The following UBAC2 variants were observed in gnomAD, a reference collection of about 807,000 sequenced individuals.
The protein encoded by UBAC2 is UBA domain containing 2, also known as ubiquitin-associated domain-containing protein 2.
In UBAC2, 26 loss-of-function variants were observed where a neutral mutation model predicts 44.0. That is an observed-to-expected ratio of 0.59 (90% CI 0.43 to 0.82). The LOEUF is 0.82. Ranked by LOEUF, UBAC2 falls within the 40% of genes least tolerant of loss-of-function variation. The probability of loss-of-function intolerance (pLI) is 0.00; values close to 1 mark genes in which losing one functional copy is unlikely to be tolerated. For missense variants in UBAC2, 329 were observed against 419.4 expected (o/e 0.78, Z 1.88); for synonymous variants, 155 against 154.3 (o/e 1.00, Z -0.04).
At chr13:99,335,277 C>T (rs763930044) in intron 6 of UBAC2, among the ~76,000 whole-genome samples, 2 of 152,038 alleles carry the variant, frequency 1.3e-5, no homozygotes, top group East Asian at 3.8e-4. Context: ...ATTTTGCTAT[C>T]TTCTGCTGAA....
At chr13:99,247,472 C>T (rs1265312979) in intron 4 of UBAC2, among the ~76,000 whole-genome samples, 3 of 152,010 alleles carry the variant, frequency 2.0e-5, no homozygotes, top group African/African-American at 7.2e-5. Context: ...CCTCGGCCTC[C>T]CAAAGTGCTG....
At chr13:99,255,512 T>C (rs748648382) in intron 4 of UBAC2, 1 of 1,614,122 alleles carries the variant, frequency 6.2e-7, no homozygotes, top group Non-Finnish European at 8.5e-7. Context: ...ACAATGGCCA[T>C]GTATCTGTCA....
intron 7 of UBAC2, among the ~76,000 whole-genome samples, chr13:99,358,783 A>C (rs1311447073): frequency 6.6e-6 from 1 of 152,070 alleles, no homozygotes; most frequent in African/African-American, 2.4e-5. Flanking sequence ...TATGCAGTGG[A>C]TGGATGTGGA....
intron 4 of UBAC2, among the ~76,000 whole-genome samples, chr13:99,272,301 AAGGAG>A (rs1053865916): frequency 6.6e-6 from 1 of 152,204 alleles, no homozygotes; most frequent in Non-Finnish European, 1.5e-5. Flanking sequence ...ATGTATAAGA[AAGGAG>A]AGAACACTGT....
chr13:99,360,949 C>T (rs982139541), intron 7 of UBAC2, among the ~76,000 whole-genome samples: 4 of 152,162 alleles, frequency 2.6e-5, no homozygotes, highest in African/African-American at 4.8e-5. Flanking sequence ...CTCGAGTGCC[C>T]GAGGTCAGCC....
chr13:99,310,850 CAGA>C (rs528114325), intron 4 of UBAC2, among the ~76,000 whole-genome samples: 64 of 152,094 alleles, frequency 4.2e-4, no homozygotes, highest in South Asian at 1.9e-3. Context: ...TAAATGTAAA[CAGA>C]AGAACTTCTA....
chr13:99,302,231 G>C (rs1248081157), intron 4 of UBAC2, among the ~76,000 whole-genome samples: 2 of 152,218 alleles, frequency 1.3e-5, no homozygotes, highest in Admixed American at 1.3e-4. Flanking sequence ...TGTTTGATCT[G>C]ATACACTGTC....
chr13:99,232,399 G>GAGATAGATAGATAGAT (rs1367302629), intron 1 of UBAC2, among the ~76,000 whole-genome samples: 15 of 109,970 alleles, frequency 1.4e-4, no homozygotes, highest in Admixed American at 1.0e-3. Flanking sequence ...TTAGTTGAGA[G>GAGATAGATAGATAGAT]ATATAGATAT....
intron 4 of UBAC2, among the ~76,000 whole-genome samples, chr13:99,301,155 C>T (rs189567397): frequency 7.5e-4 from 114 of 152,350 alleles, no homozygotes; most frequent in African/African-American, 2.6e-3. Context: ...GCCCCTCAGC[C>T]GTCCTTCGTG....
At chr13:99,340,708 G>C in intron 7 of UBAC2, 143 bp downstream of exon 7, 1 of 969,266 alleles carries the variant, frequency 1.0e-6, no homozygotes, top group South Asian at 1.7e-5. Flanking sequence ...AGAGATTGTA[G>C]GTCTCTGTTA....
chr13:99,230,771 C>A (rs2043163076), intron 1 of UBAC2, among the ~76,000 whole-genome samples: 2 of 152,086 alleles, frequency 1.3e-5, no homozygotes, highest in African/African-American at 4.8e-5. Context: ...CTCTTGTGGG[C>A]CGGTTGCAGC....
At chr13:99,243,233 CT>C (rs773750160) in intron 2 of UBAC2, among the ~76,000 whole-genome samples, 10,384 of 94,482 alleles carry the variant, frequency 0.11, 270 homozygotes, top group East Asian at 0.15. Context: ...TTGAGTAGCT[CT>C]TTTTTTTTTT....
chr13:99,314,190 C>T lies in UBAC2; in HGVS notation c.483C>T (p.Asn161=), dbSNP rs780859002. The T allele has an allele frequency of 1.2e-6, 2 of 1,602,008 alleles. No homozygotes were observed. The highest frequency in any genetic ancestry group is 1.7e-6 in the Non-Finnish European group (2 of 1,173,136). ...AQILGPLSIT[N]KTLIYILGLQ... ...TTCTGGGTCCGTTGTCCATCACAAA[C>T]AAGACATTGATTTATATATTGGGAC... Residue 161 remains asparagine, a synonymous_variant, in exon 5 of 9, where the codon AAC becomes AAT. Transcript: ENST00000403766.
At chr13:99,253,031 G>T (rs1049031301) in intron 4 of UBAC2, among the ~76,000 whole-genome samples, 7 of 150,692 alleles carry the variant, frequency 4.6e-5, no homozygotes, top group East Asian at 1.9e-4. Flanking sequence ...TCCAATACAA[G>T]AGTTGTTTTT....
At chr13:99,320,781 AT>A (rs901832876) in intron 6 of UBAC2, among the ~76,000 whole-genome samples, 2 of 152,212 alleles carry the variant, frequency 1.3e-5, no homozygotes, top group African/African-American at 4.8e-5. Context: ...CAATATCAGT[AT>A]TATTTGTGAG....
At chr13:99,278,529 G>A (rs868126007) in intron 4 of UBAC2, among the ~76,000 whole-genome samples, 2 of 152,006 alleles carry the variant, frequency 1.3e-5, no homozygotes, top group Non-Finnish European at 2.9e-5. Context: ...TTGAATTTGG[G>A]CTAAATAGCC....
At chr13:99,235,299 A>G (rs2043220817) in intron 1 of UBAC2, among the ~76,000 whole-genome samples, 1 of 152,226 alleles carries the variant, frequency 6.6e-6, no homozygotes, top group African/African-American at 2.4e-5. Context: ...AAAAAATGAA[A>G]GGGTATTCCA....
intron 4 of UBAC2, among the ~76,000 whole-genome samples, chr13:99,259,345 CT>C (rs34537761): frequency 6.3e-4 from 89 of 140,934 alleles, no homozygotes; most frequent in East Asian, 1.0e-3. Flanking sequence ...GGGGTCCATC[CT>C]TTTTTTTTTT....
chr13:99,244,525 T>C lies in UBAC2; in HGVS notation c.290T>C (p.Leu97Pro). 2.5e-6 allele frequency: 4 copies of C among 1,612,796 alleles called. No homozygotes were observed. Among genetic ancestry groups the C allele is most frequent in the Non-Finnish European group, 3.4e-6 (4 of 1,179,062 alleles). The change falls in exon 4 of 9, where the codon CTG becomes CCG. Residue 97 changes from leucine to proline, a missense_variant. Coordinates refer to ENST00000403766, the MANE Select transcript of UBAC2 (RefSeq NM_001144072.2). ...YGSRKFASFL[L>P]GSWVLSALFD... ...TGTTTTATTTTGTAGTCCTTTTTGC[T>C]GGGTTCCTGGGTTTTGTCAGCCTTA...
Sources: gnomAD v4.1 joint callset for allele counts (sites outside exome capture counted in the v4.1 genomes callset) on GRCh38, gnomAD v4.1.1 for gene constraint, MANE v1.5 for transcripts, NCBI Gene and HGNC (gene_info 2026-07-23, HGNC 2026-07-21) for gene names.